The following CACHD1 variants were observed in gnomAD, a reference collection of about 807,000 sequenced individuals.
CACHD1 encodes the protein VWFA and cache domain-containing protein 1.
A neutral mutation model predicts 138.7 loss-of-function variants in CACHD1; 71 were observed. The ratio of observed to expected loss-of-function variants is 0.51; its 90% confidence interval spans 0.42 to 0.62. The LOEUF is 0.62. CACHD1 is among the 20% of genes least tolerant of loss of function. The pLI is 0.00. For missense variants in CACHD1, 1,389 were observed against 1,625.3 expected, an observed-to-expected ratio of 0.85 and a Z score of 2.50; for synonymous variants, 578 against 591.5, an observed-to-expected ratio of 0.98 and a Z score of 0.33.
At chr1:64,523,721 T>G (rs1208110074) in intron 1 of CACHD1, among the ~76,000 whole-genome samples, 1 of 152,214 alleles carries the variant, frequency 6.6e-6, no homozygotes. Context: ...ATCTTTGTAC[T>G]TTTTAAAATG....
At chr1:64,655,102 TA>T (rs575813125) in intron 12 of CACHD1, among the ~76,000 whole-genome samples, 126 of 152,156 alleles carry the variant, frequency 8.3e-4, no homozygotes, top group African/African-American at 2.6e-3. Flanking sequence ...CCCATCTCTA[TA>T]AAAAAATGTA....
chr1:64,657,221 A>C (rs567401835), intron 12 of CACHD1, among the ~76,000 whole-genome samples: 25 of 152,288 alleles, frequency 1.6e-4, no homozygotes, highest in African/African-American at 5.8e-4. Flanking sequence ...AGTGAAAAAA[A>C]CCCACTCCCA....
At chr1:64,478,963 AC>A (rs1237044619) in intron 1 of CACHD1, among the ~76,000 whole-genome samples, 1 of 151,816 alleles carries the variant, frequency 6.6e-6, no homozygotes, top group East Asian at 1.9e-4. Context: ...ATTTTTGGCA[AC>A]TAATTCAGTT....
At chr1:64,634,364 A>C in intron 7 of CACHD1, 104 bp downstream of exon 7, 1 of 453,616 alleles carries the variant, frequency 2.2e-6, no homozygotes, top group Non-Finnish European at 3.6e-6. Flanking sequence ...GATTTTATTT[A>C]TTTATTTATG....
intron 3 of CACHD1, among the ~76,000 whole-genome samples, chr1:64,597,541 T>G (rs537543270): frequency 0.038 from 5,637 of 147,928 alleles, 173 homozygotes; most frequent in African/African-American, 0.057. Context: ...TTTTTTTTTT[T>G]TTTTTTTTTA....
At chr1:64,654,585 A>G (rs1007492510) in intron 11 of CACHD1, 101 bp from the exon 12 acceptor site, 23 of 770,854 alleles carry the variant, frequency 3.0e-5, no homozygotes, top group Non-Finnish European at 4.9e-5. Context: ...GGTATTCGAA[A>G]TCAGGAGGTG....
chr1:64,470,759 G>T lies in CACHD1; in HGVS notation c.15G>T (p.Pro5=). 1.3e-6 allele frequency: 1 copy of T among 747,744 alleles called. No homozygotes were observed. The highest frequency in any genetic ancestry group is 1.8e-5 in the African/African-American group (1 of 54,432). The allele number at this position is 747,744 out of a possible 1,614,324, so 46.3% of individuals were successfully genotyped here. A position where few individuals can be genotyped will look rare whatever the true frequency, so the allele number is the denominator to read the frequency against. ...GGGGAGGCAGCATGGCCCGCCAGCCGGAGGAAGAGGAGACGGCCGTGGCCC... is the reference window on the plus strand; with the variant it reads ...GGGGAGGCAGCATGGCCCGCCAGCCTGAGGAAGAGGAGACGGCCGTGGCCC... MARQ[P]EEEETAVARA... The change falls in exon 1 of 27, where the codon CCG becomes CCT. Residue 5 remains proline (P), a synonymous_variant. Transcript: ENST00000651257. This position sits in a 1 kb window ranked among gnomAD's most constrained non-coding sequence, Gnocchi z 5.2.
At chr1:64,549,019 TG>T (rs1646739297) in intron 1 of CACHD1, among the ~76,000 whole-genome samples, 1 of 152,116 alleles carries the variant, frequency 6.6e-6, no homozygotes, top group Non-Finnish European at 1.5e-5. Context: ...CCAAGTGATT[TG>T]GGGGTATGTT....
chr1:64,603,693 A>G (rs972408808), intron 4 of CACHD1, among the ~76,000 whole-genome samples: 7 of 152,160 alleles, frequency 4.6e-5, no homozygotes, highest in African/African-American at 1.7e-4. Context: ...TCCTGTTCTC[A>G]TTGGAACTCA....
At chr1:64,554,818 A>G (rs939444887) in intron 2 of CACHD1, among the ~76,000 whole-genome samples, 2 of 152,214 alleles carry the variant, frequency 1.3e-5, no homozygotes, top group Non-Finnish European at 2.9e-5. Flanking sequence ...CCAGCCATGT[A>G]TGACTACCGA....
intron 2 of CACHD1, among the ~76,000 whole-genome samples, chr1:64,575,209 C>G (rs1646957842): frequency 1.3e-5 from 2 of 152,154 alleles, no homozygotes; most frequent in Admixed American, 6.5e-5. Context: ...TTCTGTTTTA[C>G]TCATGAGGAA....
chr1:64,523,032 T>C (rs1045682136), intron 1 of CACHD1, among the ~76,000 whole-genome samples: 3 of 152,224 alleles, frequency 2.0e-5, no homozygotes, highest in African/African-American at 7.2e-5. Context: ...GGCCTTCCCT[T>C]CTGTTTACTG....
chr1:64,661,617 A>G (rs1056416474), intron 13 of CACHD1, among the ~76,000 whole-genome samples: 2 of 152,024 alleles, frequency 1.3e-5, no homozygotes, highest in East Asian at 3.9e-4. Context: ...TGTCACTCCA[A>G]TCAGATCCTA....
chr1:64,641,786 A>G, intron 7 of CACHD1, 34 bp from the exon 8 acceptor site: 3 of 1,484,034 alleles, frequency 2.0e-6, no homozygotes, highest in Non-Finnish European at 2.7e-6. Flanking sequence ...GCTGGAATCC[A>G]AAGAGAGCAT....
intron 1 of CACHD1, among the ~76,000 whole-genome samples, chr1:64,510,631 T>G (rs979538964): frequency 4.6e-5 from 7 of 152,146 alleles, no homozygotes; most frequent in Admixed American, 6.5e-5. Context: ...TTCTAATAAC[T>G]CTTTCTTTTT....
intron 2 of CACHD1, among the ~76,000 whole-genome samples, chr1:64,572,173 C>A (rs981017189): frequency 6.6e-6 from 1 of 152,124 alleles, no homozygotes; most frequent in South Asian, 2.1e-4. Context: ...AAAGTTGTGA[C>A]GTAAAATGTT....
At chr1:64,607,405 G>T (rs1570411977) in intron 4 of CACHD1, among the ~76,000 whole-genome samples, 1 of 152,178 alleles carries the variant, frequency 6.6e-6, no homozygotes, top group Non-Finnish European at 1.5e-5. Flanking sequence ...GCTTGTCAAG[G>T]GTTGTTTGGT....
At chr1:64,625,386 G>A (rs1307014568) in intron 4 of CACHD1, among the ~76,000 whole-genome samples, 1 of 152,184 alleles carries the variant, frequency 6.6e-6, no homozygotes, top group Non-Finnish European at 1.5e-5. Flanking sequence ...CAGCACTTTG[G>A]GAGGCCAAGG....
intron 16 of CACHD1, 126 bp downstream of exon 16, chr1:64,666,293 G>T: frequency 1.9e-6 from 1 of 538,696 alleles, no homozygotes; most frequent in Non-Finnish European, 3.2e-6. Flanking sequence ...GAGGCCAGCT[G>T]GGATTTGAAC....
Sources: gnomAD v4.1 joint callset for allele counts (sites outside exome capture counted in the v4.1 genomes callset) on GRCh38, gnomAD v4.1.1 for gene constraint, Gnocchi (gnomAD v3.1) non-coding constraint, MANE v1.5 for transcripts, NCBI Gene and HGNC (gene_info 2026-07-23, HGNC 2026-07-21) for gene names.